PTPRD: variants seen among roughly 807,000 people sequenced by gnomAD.
PTPRD encodes the protein receptor-type tyrosine-protein phosphatase delta.
Under a neutral mutation model 214.5 loss-of-function variants are expected in PTPRD, and 34 were observed. The ratio of observed to expected loss-of-function variants is 0.16; its 90% CI spans 0.12 to 0.21. The LOEUF (loss-of-function observed/expected upper bound fraction) is 0.21. PTPRD is among the 10% of genes least tolerant of loss of function. The pLI is 1.00. For missense variants in PTPRD, 2,545 were observed against 2,398.7 expected (o/e 1.06, Z -1.27); for synonymous variants, 1,128 against 845.7 (o/e 1.33, Z -5.79).
chr9:9,703,645 C>T (rs1564641169), intron 7 of PTPRD, among the ~76,000 whole-genome samples: 1 of 152,036 alleles, frequency 6.6e-6, no homozygotes, highest in Admixed American at 6.6e-5. Context: ...AGTAATTTTG[C>T]TATCTGTTGA....
chr9:9,689,495 G>A (rs2097225347), intron 7 of PTPRD, among the ~76,000 whole-genome samples: 1 of 151,726 alleles, frequency 6.6e-6, no homozygotes, highest in Admixed American at 6.6e-5. Context: ...TTGTGAATAT[G>A]TGACTTATTC....
At chr9:9,306,567 A>C (rs1319290783) in intron 9 of PTPRD, among the ~76,000 whole-genome samples, 5 of 65,478 alleles carry the variant, frequency 7.6e-5, no homozygotes, top group East Asian at 5.2e-4. Context: ...CCGTCTCAAA[A>C]AAAAAAAAAA....
At chr9:8,458,910 C>A (rs2096293900) in intron 33 of PTPRD, among the ~76,000 whole-genome samples, 1 of 151,920 alleles carries the variant, frequency 6.6e-6, no homozygotes, top group Non-Finnish European at 1.5e-5. Context: ...ATGGATATAT[C>A]TTTCATTCTT....
At chr9:8,485,378 G>A (rs2135872813) in intron 28 of PTPRD, 54 bp from the exon 29 acceptor site, 1 of 1,291,172 alleles carries the variant, frequency 7.7e-7, no homozygotes, top group Non-Finnish European at 1.1e-6. Flanking sequence ...CAGATGACCT[G>A]TCCTTTCCAC....
At chr9:8,345,251 C>T (rs962199851) in intron 39 of PTPRD, among the ~76,000 whole-genome samples, 3 of 152,014 alleles carry the variant, frequency 2.0e-5, no homozygotes, top group African/African-American at 4.8e-5. Context: ...TTTCCTTTCC[C>T]CTTCTCTGAC....
chr9:8,623,701 A>C (rs2095895021), intron 14 of PTPRD, among the ~76,000 whole-genome samples: 1 of 151,832 alleles, frequency 6.6e-6, no homozygotes, highest in Admixed American at 6.6e-5. Context: ...AAGTTTACTC[A>C]ATAGGTCTTC....
At chr9:10,113,586 C>T (rs749464695) in intron 3 of PTPRD, among the ~76,000 whole-genome samples, 1 of 152,188 alleles carries the variant, frequency 6.6e-6, no homozygotes, top group Non-Finnish European at 1.5e-5. Flanking sequence ...AGATTCCAGA[C>T]ACCTCTCCAG....
chr9:10,437,200 A>G (rs649844), intron 2 of PTPRD, among the ~76,000 whole-genome samples: 2,853 of 151,948 alleles, frequency 0.019, 87 homozygotes, highest in African/African-American at 0.065. Context: ...ATGGTTTTGG[A>G]ATCCACATTT....
intron 11 of PTPRD, among the ~76,000 whole-genome samples, chr9:8,899,779 T>C (rs1361330099): frequency 6.6e-6 from 1 of 152,322 alleles, no homozygotes; most frequent in Non-Finnish European, 1.5e-5. Flanking sequence ...ATGTTTTAGG[T>C]ATCCTTGTGG....
chr9:8,615,837 G>C (rs1163561152), intron 14 of PTPRD, among the ~76,000 whole-genome samples: 1 of 152,122 alleles, frequency 6.6e-6, no homozygotes, highest in South Asian at 2.1e-4. Flanking sequence ...GCATTCTAAA[G>C]AGATTTGTCC....
At position 10,337,013 on chromosome 9, in the gene PTPRD, A is replaced by C. The variant is rs545827045; in HGVS notation, c.-545+3950T>G. On this transcript the variant is annotated intron_variant, in intron 3 of 45. Coordinates refer to ENST00000381196, the MANE Select transcript of PTPRD (RefSeq NM_002839.4). ...GCCATCTGACAAACTAGACAAGGTG[A>C]GTTAGTTTGCGACTGCAGCAACTTC... 4.0e-5 allele frequency among the ~76,000 whole-genome samples: 6 copies of C among 151,812 alleles called. No individual in the cohort carries two copies. The South Asian group carries it at 8.3e-4, about 21-fold the overall frequency.
intron 3 of PTPRD, among the ~76,000 whole-genome samples, chr9:10,106,551 A>G (rs1286369019): frequency 6.6e-6 from 1 of 151,992 alleles, no homozygotes; most frequent in Non-Finnish European, 1.5e-5. Context: ...ACAAAATGAA[A>G]CAAAACAAAA....
intron 3 of PTPRD, among the ~76,000 whole-genome samples, chr9:10,203,549 G>A (rs1447990362): frequency 1.3e-5 from 2 of 152,156 alleles, no homozygotes; most frequent in East Asian, 3.9e-4. Context: ...GTAATTTTGT[G>A]GTTTTACAAT....
chr9:9,310,657 C>G (rs531383688), intron 9 of PTPRD, among the ~76,000 whole-genome samples: 32 of 152,178 alleles, frequency 2.1e-4, no homozygotes, highest in African/African-American at 6.5e-4. Flanking sequence ...GTGGCTCGCG[C>G]CTGTAATCCC....
intron 43 of PTPRD, among the ~76,000 whole-genome samples, chr9:8,336,712 A>C (rs1424667759): frequency 6.6e-6 from 1 of 152,164 alleles, no homozygotes; most frequent in Admixed American, 6.5e-5. Context: ...TCCACCTGAC[A>C]AAGGGCTAAT....
intron 11 of PTPRD, among the ~76,000 whole-genome samples, chr9:9,015,793 G>A (rs993310992): frequency 6.6e-6 from 1 of 152,098 alleles, no homozygotes; most frequent in Non-Finnish European, 1.5e-5. Context: ...ACTGTTCAAT[G>A]TACATTTGGA....
At chr9:9,367,005 A>G (rs1256079146) in intron 9 of PTPRD, among the ~76,000 whole-genome samples, 1 of 151,534 alleles carries the variant, frequency 6.6e-6, no homozygotes, top group African/African-American at 2.4e-5. Flanking sequence ...AATGAAACAA[A>G]TCTCAGGATA....
chr9:9,648,754 C>T (rs148007471), intron 7 of PTPRD, among the ~76,000 whole-genome samples: 8 of 152,196 alleles, frequency 5.3e-5, no homozygotes, highest in African/African-American at 1.2e-4. Flanking sequence ...AAGATATAAA[C>T]GTAATGTTCT....
At chr9:9,424,060 G>T (rs1234610119) in intron 8 of PTPRD, among the ~76,000 whole-genome samples, 3 of 152,074 alleles carry the variant, frequency 2.0e-5, no homozygotes, top group Non-Finnish European at 4.4e-5. Context: ...TATATATTTT[G>T]CTCAAGGCTG....
Sources: gnomAD v4.1 joint callset for allele counts (sites outside exome capture counted in the v4.1 genomes callset) on GRCh38, gnomAD v4.1.1 for gene constraint, MANE v1.5 for transcripts, NCBI Gene and HGNC (gene_info 2026-07-23, HGNC 2026-07-21) for gene names.